The following TENM4 variants were observed in gnomAD, a reference collection of about 807,000 sequenced individuals.
TENM4 encodes the protein teneurin-4.
TENM4 carries 82 observed loss-of-function variants against 243.3 expected under a neutral mutation model. That is an observed-to-expected ratio of 0.34 (90% CI 0.28 to 0.40). The LOEUF (loss-of-function observed/expected upper bound fraction) is 0.40, where lower values mean the gene tolerates loss of function less well. Among genes scored for constraint, TENM4 ranks in the 10% least tolerant of loss-of-function variants. The pLI is 1.00. For missense variants in TENM4, 3,138 were observed against 3,673.3 expected (o/e 0.85, Z 3.77); for synonymous variants, 1,412 against 1,456.3 (o/e 0.97, Z 0.69).
chr11:79,381,527 C>T (rs898516807), intron 1 of TENM4, among the ~76,000 whole-genome samples: 1 of 150,622 alleles, frequency 6.6e-6, no homozygotes, highest in Non-Finnish European at 1.5e-5. Context: ...ACCCGTTGAC[C>T]GAATTGAGTT....
chr11:78,730,558 G>T (rs573840959), intron 21 of TENM4, among the ~76,000 whole-genome samples: 30 of 152,300 alleles, frequency 2.0e-4, no homozygotes, highest in African/African-American at 6.7e-4. Flanking sequence ...AGGTCACTTA[G>T]CTACTGGGTG....
intron 6 of TENM4, among the ~76,000 whole-genome samples, chr11:78,920,151 C>A (rs2136382893): frequency 1.3e-5 from 2 of 152,292 alleles, no homozygotes; most frequent in Middle Eastern, 3.4e-3. Flanking sequence ...TCATCAACAT[C>A]TCAGCAGATG....
Position 79,322,338 on chromosome 11 carries a change from T to A in TENM4, c.-320-24795A>T, listed in dbSNP as rs373886178. 8.7e-4 allele frequency among the ~76,000 whole-genome samples: 132 copies of A among 152,326 alleles called. 8 individuals carry two copies. In the South Asian group the frequency reaches 0.018, roughly 21 times the overall value. ...CCCTATGCCCGGCTTAATATTCTAC[T>A]GTTGCTGTCATTAAATTCTTAATTT... On this transcript the variant is annotated intron_variant, in intron 1 of 33. Transcript: ENST00000278550.
At chr11:78,842,296 C>G (rs1320042873) in intron 12 of TENM4, among the ~76,000 whole-genome samples, 4 of 152,182 alleles carry the variant, frequency 2.6e-5, no homozygotes, top group Non-Finnish European at 5.9e-5. Flanking sequence ...TACAAGTGGT[C>G]AATAGAACCA....
Position 79,162,889 on chromosome 11 carries a change from CCCATATGAGGAT to C in TENM4, c.-162-14095_-162-14084del, listed in dbSNP as rs1862782585. Among the ~76,000 whole-genome samples, 8 of 152,332 alleles carry C rather than the reference CCCATATGAGGAT, an allele frequency of 5.3e-5. No homozygotes were observed. In the South Asian group the frequency reaches 1.7e-3, roughly 32 times the overall value. ...TGCAGCCTGGTCAAGTGGACATGGG[CCCATATGAGGAT>C]CCATAGTCCCTGTTCATACAAGGCT... On this transcript the variant is annotated intron_variant, in intron 3 of 33. Transcript: ENST00000278550.
chr11:79,162,122 G>A lies in TENM4; in HGVS notation c.-162-13316C>T, dbSNP rs115971952. On this transcript the variant is annotated intron_variant, in intron 3 of 33. Transcript: ENST00000278550. ...GGCCAAGTCTGTCTAACTATAGGTC[G>A]AAGTGTTAGCAAGACCCTGTGTGCA... Among the ~76,000 whole-genome samples the A allele has an allele frequency of 8.3e-3, 1,264 of 152,282 alleles. 22 individuals carry two copies. The highest frequency in any genetic ancestry group is 0.029 in the African/African-American group (1,222 of 41,550).
chr11:78,658,639 C>G lies in TENM4; in HGVS notation c.7729G>C (p.Gly2577Arg), dbSNP rs61745704. The stretch of plus-strand genomic sequence containing the variant: ...CTGATGATGTCTGTGGTCACTCGGC[C>G]ATCCTTCAAGGCAAACTTGACCCCC... ...GKGVKFALKD[G>R]RVTTDIISVA... Residue 2577 changes from glycine to arginine, a missense_variant, in exon 34 of 34, where the codon GGC (glycine) becomes CGC (arginine). Transcript: ENST00000278550. The G allele has an allele frequency of 1.2e-6, 2 of 1,613,942 alleles. No homozygotes were observed. Among genetic ancestry groups the G allele is most frequent in the South Asian group, 2.2e-5 (2 of 91,086 alleles).
At chr11:78,825,264 T>C (rs1276911236) in intron 12 of TENM4, among the ~76,000 whole-genome samples, 4 of 152,220 alleles carry the variant, frequency 2.6e-5, no homozygotes, top group African/African-American at 9.6e-5. Flanking sequence ...GTTTACTTAT[T>C]AGTGAAATGA....
intron 19 of TENM4, among the ~76,000 whole-genome samples, chr11:78,754,242 C>A (rs1590995835): frequency 1.3e-5 from 2 of 152,336 alleles, no homozygotes; most frequent in Middle Eastern, 6.8e-3. Context: ...GCTGGCCTCT[C>A]TCTGAGGCCT....
intron 33 of TENM4, 117 bp from the exon 34 acceptor site, chr11:78,658,933 T>C: frequency 8.2e-7 from 1 of 1,218,676 alleles, no homozygotes; most frequent in Admixed American, 2.4e-5. Flanking sequence ...ACCTGCGGCA[T>C]GTAGCTCTAC....
intron 6 of TENM4, among the ~76,000 whole-genome samples, chr11:78,983,261 G>A (rs1857842675): frequency 1.3e-5 from 2 of 152,306 alleles, no homozygotes; most frequent in South Asian, 2.1e-4. Context: ...CAGGCCTTGG[G>A]TCAGGAACTG....
At chr11:78,832,135 G>C (rs993117392) in intron 12 of TENM4, among the ~76,000 whole-genome samples, 3 of 152,198 alleles carry the variant, frequency 2.0e-5, no homozygotes, top group Non-Finnish European at 2.9e-5. Flanking sequence ...GTCTCAGGAG[G>C]TTTCCCGCAT....
At chr11:79,178,807 C>A (rs72935389) in intron 3 of TENM4, among the ~76,000 whole-genome samples, 4,143 of 152,276 alleles carry the variant, frequency 0.027, 87 homozygotes, top group Non-Finnish European at 0.04. Context: ...ATAAGAAATA[C>A]CCGTCAGTGG....
Position 78,814,296 on chromosome 11 carries a change from C to T in TENM4, c.1781G>A (p.Arg594Lys). ...FLGFLGPDCGRASCPVLCSGN... is the reference protein window; with the variant it reads ...FLGFLGPDCGKASCPVLCSGN... ...GAGCTCCAATGCAGAGTTCTCACCT[C>T]TGCCACAGTCGGGGCCCAGGAAACC... The change falls in exon 13 of 34, where the codon AGA becomes AAA. Residue 594 changes from arginine (R) to lysine (K), a missense_variant and splice_region_variant. Physicochemically the swap from Arg to Lys is conservative, Grantham distance 26. Coordinates refer to ENST00000278550, the MANE Select transcript of TENM4 (RefSeq NM_001098816.3). The T allele has an allele frequency of 1.9e-6, 3 of 1,550,214 alleles. No homozygotes were observed. Among genetic ancestry groups the T allele is most frequent in the Non-Finnish European group, 2.6e-6 (3 of 1,146,320 alleles).
intron 2 of TENM4, among the ~76,000 whole-genome samples, chr11:79,245,592 C>T (rs906306219): frequency 2.6e-5 from 4 of 151,840 alleles, no homozygotes; most frequent in African/African-American, 4.8e-5. Context: ...TGAGATGTCA[C>T]GTGAAAAGTA....
intron 6 of TENM4, among the ~76,000 whole-genome samples, chr11:78,966,364 G>C (rs1857437435): frequency 6.6e-6 from 1 of 152,202 alleles, no homozygotes; most frequent in Non-Finnish European, 1.5e-5. Flanking sequence ...TACATGTAAA[G>C]TGAGGACTAG....
chr11:78,866,458 TA>T (rs5792824), intron 9 of TENM4, among the ~76,000 whole-genome samples: 53,454 of 130,542 alleles, frequency 0.41, 11,789 homozygotes, highest in African/African-American at 0.61. Flanking sequence ...AGTCCTTGCT[TA>T]AAAAAAAAAA....
At chr11:78,818,979 A>C (rs1400838551) in intron 12 of TENM4, among the ~76,000 whole-genome samples, 1 of 151,014 alleles carries the variant, frequency 6.6e-6, no homozygotes, top group Non-Finnish European at 1.5e-5. Context: ...AAAAAAAAAT[A>C]CATGATTTTC....
intron 6 of TENM4, among the ~76,000 whole-genome samples, chr11:79,047,336 T>C (rs1859681999): frequency 6.6e-6 from 1 of 152,190 alleles, no homozygotes; most frequent in Admixed American, 6.5e-5. Context: ...GATATTGAGT[T>C]TCATGAAGAC....
Sources: gnomAD v4.1 joint callset for allele counts (sites outside exome capture counted in the v4.1 genomes callset) on GRCh38, gnomAD v4.1.1 for gene constraint, MANE v1.5 for transcripts, NCBI Gene and HGNC (gene_info 2026-07-23, HGNC 2026-07-21) for gene names.